The following RIT2 variants were observed in gnomAD, a reference collection of about 807,000 sequenced individuals.
The protein encoded by RIT2 is Ras like without CAAX 2.
A neutral mutation model predicts 23.7 loss-of-function variants in RIT2; 24 were observed. The ratio of observed to expected loss-of-function variants is 1.01; its 90% confidence interval spans 0.73 to 1.43. RIT2 has a LOEUF of 1.43. RIT2 is among the 40% of genes most tolerant of loss of function. The pLI is 0.00. For missense variants in RIT2, 236 were observed against 266.9 expected (o/e 0.88, Z 0.81); for synonymous variants, 107 against 91.1 (o/e 1.17, Z -0.99).
intron 4 of RIT2, among the ~76,000 whole-genome samples, chr18:42,834,160 A>G (rs2144013745): frequency 6.6e-6 from 1 of 152,314 alleles, no homozygotes; most frequent in East Asian, 1.9e-4. Context: ...TAAGCAAACA[A>G]AAGGCAAAAA....
chr18:43,050,196 T>G lies in RIT2; in HGVS notation c.104-16329A>C, dbSNP rs1161274985. On this transcript the variant is annotated intron_variant, in intron 1 of 4. Transcript: ENST00000326695. Reference sequence around the variant, plus strand: ...TGTGCACCACCAGGACAGGCTAATTTTTAATTTTTTGGTGTGTAAGGACAG... The same window carrying G: ...TGTGCACCACCAGGACAGGCTAATTGTTAATTTTTTGGTGTGTAAGGACAG... 4.0e-5 allele frequency among the ~76,000 whole-genome samples: 6 copies of G among 151,558 alleles called. No homozygotes were observed. In the East Asian group the frequency reaches 1.2e-3, roughly 30 times the overall value.
intron 2 of RIT2, among the ~76,000 whole-genome samples, chr18:43,025,621 C>T (rs1911698917): frequency 6.6e-6 from 1 of 151,914 alleles, no homozygotes; most frequent in Non-Finnish European, 1.5e-5. Flanking sequence ...ATGTCACACA[C>T]ACACATATAT....
At chr18:42,884,996 G>T (rs1907984716) in intron 4 of RIT2, among the ~76,000 whole-genome samples, 1 of 152,114 alleles carries the variant, frequency 6.6e-6, no homozygotes, top group Non-Finnish European at 1.5e-5. Context: ...TCTCACCAAG[G>T]TTACCAAAGT....
chr18:42,846,070 A>G (rs1368853132), intron 4 of RIT2, among the ~76,000 whole-genome samples: 2 of 152,008 alleles, frequency 1.3e-5, no homozygotes, highest in Non-Finnish European at 2.9e-5. Context: ...TTAATCTAAT[A>G]AAAAGCAAAG....
chr18:43,113,863 G>A (rs1914007703), intron 1 of RIT2, among the ~76,000 whole-genome samples: 1 of 152,074 alleles, frequency 6.6e-6, no homozygotes, highest in African/African-American at 2.4e-5. Context: ...GGCATTTAAT[G>A]TGGATTGGTC....
intron 4 of RIT2, among the ~76,000 whole-genome samples, chr18:42,861,936 T>A (rs534887802): frequency 2.3e-4 from 35 of 152,330 alleles, no homozygotes; most frequent in Admixed American, 2.2e-3. Flanking sequence ...ATTTTTTAGA[T>A]CTCTCTGTAT....
chr18:42,935,123 A>T (rs902159477), intron 3 of RIT2, among the ~76,000 whole-genome samples: 13 of 152,168 alleles, frequency 8.5e-5, no homozygotes, highest in African/African-American at 3.1e-4. Context: ...GAAAAAAGAA[A>T]CACCTTTCCC....
chr18:42,967,191 C>T (rs1192291323), intron 3 of RIT2, among the ~76,000 whole-genome samples: 1 of 151,962 alleles, frequency 6.6e-6, no homozygotes, highest in Non-Finnish European at 1.5e-5. Flanking sequence ...TATCTATCTC[C>T]ACATATAAGA....
chr18:42,962,352 T>C (rs1347939125), intron 3 of RIT2, among the ~76,000 whole-genome samples: 1 of 152,232 alleles, frequency 6.6e-6, no homozygotes, highest in Non-Finnish European at 1.5e-5. Flanking sequence ...AAACTATTTT[T>C]ATACTTTGAG....
At chr18:42,750,912 A>G (rs1480250830) in intron 4 of RIT2, among the ~76,000 whole-genome samples, 1 of 151,882 alleles carries the variant, frequency 6.6e-6, no homozygotes, top group Non-Finnish European at 1.5e-5. Context: ...ATAGAGAAGA[A>G]ATATTTGAAT....
intron 4 of RIT2, among the ~76,000 whole-genome samples, chr18:42,773,089 T>C (rs1033395064): frequency 6.6e-6 from 1 of 152,116 alleles, no homozygotes; most frequent in African/African-American, 2.4e-5. Context: ...CAAGGAAAAA[T>C]AAAATTGTTT....
chr18:42,755,014 G>T (rs1913128548), intron 4 of RIT2, among the ~76,000 whole-genome samples: 1 of 152,108 alleles, frequency 6.6e-6, no homozygotes, highest in Non-Finnish European at 1.5e-5. Context: ...TGCTTAGACT[G>T]TGGTTTAATT....
chr18:42,837,662 A>G (rs369850766), intron 4 of RIT2, among the ~76,000 whole-genome samples: 12 of 152,184 alleles, frequency 7.9e-5, no homozygotes, highest in African/African-American at 2.9e-4. Flanking sequence ...AAGCAAAACT[A>G]CATGACAGGA....
At chr18:43,042,371 T>C (rs1032214385) in intron 1 of RIT2, among the ~76,000 whole-genome samples, 1 of 152,228 alleles carries the variant, frequency 6.6e-6, no homozygotes, top group Non-Finnish European at 1.5e-5. Flanking sequence ...ATTTCTCTTG[T>C]ACTTCAGTCC....
At chr18:42,769,933 T>C (rs1275967664) in intron 4 of RIT2, among the ~76,000 whole-genome samples, 1 of 151,572 alleles carries the variant, frequency 6.6e-6, no homozygotes, top group African/African-American at 2.4e-5. Flanking sequence ...GAGTGAACCT[T>C]AGGAAAAGGG....
At chr18:43,037,747 C>T (rs905586821) in intron 1 of RIT2, among the ~76,000 whole-genome samples, 4 of 151,982 alleles carry the variant, frequency 2.6e-5, no homozygotes, top group Non-Finnish European at 5.9e-5. Context: ...CTACTTAGAA[C>T]TATTTTTCTA....
chr18:43,038,650 T>C (rs1216456970), intron 1 of RIT2, among the ~76,000 whole-genome samples: 2 of 152,014 alleles, frequency 1.3e-5, no homozygotes, highest in Non-Finnish European at 2.9e-5. Flanking sequence ...ATTCTGTGTT[T>C]AAATTCATCT....
At chr18:42,910,550 C>A (rs965736808) in intron 4 of RIT2, among the ~76,000 whole-genome samples, 10 of 152,106 alleles carry the variant, frequency 6.6e-5, no homozygotes, top group African/African-American at 1.9e-4. Flanking sequence ...ACCCCAGACC[C>A]CAGGCTCCAA....
At chr18:43,090,799 G>A (rs531404793) in intron 1 of RIT2, among the ~76,000 whole-genome samples, 79 of 152,026 alleles carry the variant, frequency 5.2e-4, no homozygotes, top group African/African-American at 1.9e-3. Context: ...GCATGTTTTC[G>A]CTTATAAGTT....
Sources: allele counts gnomAD v4.1 joint callset (sites outside exome capture counted in the v4.1 genomes callset), GRCh38; gene constraint gnomAD v4.1.1; transcripts MANE v1.5; gene names NCBI Gene and HGNC (gene_info 2026-07-23, HGNC 2026-07-21).